Variants in L3HYPDH observed in about 807,000 individuals in gnomAD.
L3HYPDH encodes the protein trans-L-3-hydroxyproline dehydratase, also known as trans-3-hydroxy-L-proline dehydratase.
A neutral mutation model predicts 26.5 loss-of-function variants in L3HYPDH; 32 were observed. That is an observed-to-expected ratio of 1.21 (90% CI 0.91 to 1.62). The LOEUF (loss-of-function observed/expected upper bound fraction) is 1.62, where lower values mean the gene tolerates loss of function less well. L3HYPDH is among the 40% of genes most tolerant of loss of function. The pLI is 0.00. For missense variants in L3HYPDH, 554 were observed against 476.4 expected (o/e 1.16, Z -1.52); for synonymous variants, 215 against 196.6 (o/e 1.09, Z -0.78).
chr14:59,476,111 C>CAA lies in L3HYPDH; in HGVS notation c.780_781dup (p.Cys261PhefsTer18), dbSNP rs778630506. The CAA allele has an allele frequency of 1.1e-5, 17 of 1,613,874 alleles. No homozygotes were observed. The highest frequency in any genetic ancestry group is 1.7e-5 in the Admixed American group (1 of 59,980). Reference sequence around the variant, plus strand: ...TAATACCTGTTCATCTGCAAAAACACAAATGTTGGTGGTTGGTTCCTTGGT... The same window carrying CAA: ...TAATACCTGTTCATCTGCAAAAACACAAAAATGTTGGTGGTTGGTTCCTTGGT... On this transcript the variant is annotated frameshift_variant, in exon 3 of 5. Transcript: ENST00000247194. LOFTEE classifies it high-confidence loss of function.
At chr14:59,486,176 T>C (rs757315860), upstream of L3HYPDH, among the ~76,000 whole-genome samples, 13 of 152,220 alleles carry the variant, frequency 8.5e-5, no homozygotes, top group Non-Finnish European at 1.5e-4. Context: ...TGATAAAAGC[T>C]AGGACAATGT....
the L3HYPDH span, among the ~76,000 whole-genome samples, chr14:59,493,417 G>A: frequency 7.9e-5 from 12 of 152,236 alleles, no homozygotes; most frequent in South Asian, 1.5e-3. Context: ...GACACCATGT[G>A]GAGCAGAAAG....
intron 4 of L3HYPDH, among the ~76,000 whole-genome samples, chr14:59,473,941 T>C (rs1163776916): frequency 6.6e-6 from 1 of 152,142 alleles, no homozygotes; most frequent in African/African-American, 2.4e-5. Context: ...GAGAGCATGA[T>C]GCAAGTGAAG....
downstream of L3HYPDH, among the ~76,000 whole-genome samples, chr14:59,469,912 G>T (rs1889271935): frequency 6.6e-6 from 1 of 152,202 alleles, no homozygotes; most frequent in Admixed American, 6.5e-5. Flanking sequence ...TTTAAGGACA[G>T]AGTAGTCAGG....
upstream of L3HYPDH, chr14:59,486,801 TG>T: frequency 1.3e-6 from 2 of 1,546,822 alleles, no homozygotes; most frequent in Non-Finnish European, 1.8e-6. Flanking sequence ...ATGGAGAATG[TG>T]GGGTAAGTCT....
intron 2 of L3HYPDH, 116 bp from the exon 3 acceptor site, chr14:59,476,330 C>G: frequency 1.3e-6 from 1 of 757,876 alleles, no homozygotes; most frequent in South Asian, 2.0e-5. Context: ...TTTTAAAATA[C>G]CTTTTTGGGC....
intron 1 of L3HYPDH, chr14:59,483,352 G>T: frequency 4.9e-6 from 1 of 204,176 alleles, no homozygotes; most frequent in Non-Finnish European, 9.2e-6. Flanking sequence ...ATTCTTCAAA[G>T]AAGTGGGGGA....
the L3HYPDH span, chr14:59,495,270 C>T: frequency 4.1e-5 from 57 of 1,394,794 alleles, no homozygotes; most frequent in Non-Finnish European, 3.5e-5. Flanking sequence ...TTTTAAATCT[C>T]TGAGGATTAT....
chr14:59,492,942 C>T, the L3HYPDH span, among the ~76,000 whole-genome samples: 7 of 151,872 alleles, frequency 4.6e-5, no homozygotes, highest in Non-Finnish European at 1.0e-4. Flanking sequence ...GGACTACAGG[C>T]GCCTGCCACC....
At chr14:59,473,335 C>T (rs1889398903) in intron 4 of L3HYPDH, among the ~76,000 whole-genome samples, 1 of 152,112 alleles carries the variant, frequency 6.6e-6, no homozygotes, top group Admixed American at 6.6e-5. Flanking sequence ...GAGATAACCT[C>T]AATTCACTGA....
At chr14:59,491,154 A>G in the L3HYPDH span, among the ~76,000 whole-genome samples, 1 of 152,240 alleles carries the variant, frequency 6.6e-6, no homozygotes, top group Non-Finnish European at 1.5e-5. Context: ...AACTGGGGAT[A>G]ACCCCTGAGC....
chr14:59,503,668 C>T, the L3HYPDH span, among the ~76,000 whole-genome samples: 1 of 152,140 alleles, frequency 6.6e-6, no homozygotes, highest in Non-Finnish European at 1.5e-5. Context: ...CCTTAGGAGC[C>T]TCACTTTCCT....
intron 1 of L3HYPDH, among the ~76,000 whole-genome samples, chr14:59,480,554 TAG>T (rs751482950): frequency 3.9e-5 from 6 of 151,956 alleles, no homozygotes; most frequent in Non-Finnish European, 7.4e-5. Context: ...AAGGACAGAG[TAG>T]AGTTTCAGCT....
intron 1 of L3HYPDH, chr14:59,483,592 A>C: frequency 1.4e-6 from 2 of 1,430,506 alleles, no homozygotes; most frequent in Non-Finnish European, 1.8e-6. Flanking sequence ...AGGGTCTCCC[A>C]AAACCACAGG....
the L3HYPDH span, chr14:59,495,218 A>T: frequency 6.2e-7 from 1 of 1,602,144 alleles, no homozygotes; most frequent in Non-Finnish European, 8.6e-7. Context: ...GAAGCCGTCT[A>T]CCCACTGTAA....
the L3HYPDH span, chr14:59,500,841 A>G: frequency 6.1e-6 from 1 of 164,664 alleles, no homozygotes; most frequent in Non-Finnish European, 1.3e-5. Context: ...TAAAAAATCA[A>G]AAGACTTATA....
chr14:59,476,200 A>G lies in L3HYPDH; in HGVS notation c.693T>C (p.His231=). 3.8e-6 allele frequency: 6 copies of G among 1,592,202 alleles called. No homozygotes were observed. The highest frequency in any genetic ancestry group is 8.6e-7 in the Non-Finnish European group (1 of 1,167,696). ...AAAAGGCAAGGTCTTCACTATCAGG[A>G]TGATTAATTTTAAACTGCAAGTAAC... ...EAVKAQFKIN[H]PDSEDLAFLY... The change falls in exon 3 of 5, where the codon CAT becomes CAC. Residue 231 remains histidine (H), a synonymous_variant. Coordinates refer to ENST00000247194, the MANE Select transcript of L3HYPDH (RefSeq NM_144581.2).
chr14:59,495,276 A>T, the L3HYPDH span: 8 of 1,358,614 alleles, frequency 5.9e-6, no homozygotes, highest in African/African-American at 1.4e-5. Context: ...ATCTCTGAGG[A>T]TTATTATAGA....
chr14:59,502,750 ATTTT>A, the L3HYPDH span, among the ~76,000 whole-genome samples: 102 of 4,916 alleles, frequency 0.021, 1 homozygote, highest in African/African-American at 0.035. Context: ...ATAAAATGAG[ATTTT>A]TTTTTTTTTT....
Sources: gnomAD v4.1 joint callset for allele counts (sites outside exome capture counted in the v4.1 genomes callset) on GRCh38, gnomAD v4.1.1 for gene constraint, MANE v1.5 for transcripts, NCBI Gene and HGNC (gene_info 2026-07-23, HGNC 2026-07-21) for gene names.